DNAH1: variants seen among roughly 807,000 people sequenced by gnomAD.
DNAH1 encodes axonemal beta dynein heavy chain 1.
DNAH1 carries 327 observed loss-of-function variants against 484.3 expected under a neutral mutation model. The ratio of observed to expected loss-of-function variants is 0.68; its 90% CI spans 0.62 to 0.74. The LOEUF is 0.74. DNAH1 is among the 30% of genes least tolerant of loss of function. DNAH1 has a pLI of 0.00. For synonymous variants in DNAH1, 2,192 were observed against 2,191.9 expected (o/e 1.00, Z 0.00); for missense variants, 5,052 against 5,546.8 (o/e 0.91, Z 2.83).
intron 4 of DNAH1, 41 bp from the exon 5 acceptor site, chr3:52,326,694 G>A (rs1578074262): frequency 9.1e-6 from 14 of 1,545,460 alleles, no homozygotes; most frequent in Non-Finnish European, 1.1e-5. Flanking sequence ...CACCTCACAC[G>A]AGCCAAGCCA....
Position 52,355,031 on chromosome 3 carries a change from G to A in DNAH1, c.3669G>A (p.Trp1223Ter). 6.2e-7 allele frequency: 1 copy of A among 1,613,748 alleles called. No individual in the cohort carries two copies. Among genetic ancestry groups the A allele is most frequent in the South Asian group, 1.1e-5 (1 of 91,072 alleles). Residue 1223 changes from tryptophan to a stop codon, truncating the protein, a stop_gained, in exon 21 of 78, where the codon TGG becomes TGA. Transcript: ENST00000420323. LOFTEE classifies it high-confidence loss of function. This position sits in a 1 kb window ranked among gnomAD's most constrained non-coding sequence, Gnocchi z 4.5. The stretch of plus-strand genomic sequence containing the variant: ...CCTTTGAGCAGCGCATCAACTCCTG[G>A]GAGAACAAACTGAAGCTGACCCAGG... The part of the protein sequence containing the change: ...KKPFEQRINS[W>*]ENKLKLTQEV...
Position 52,384,925 on chromosome 3 carries a change from A to G in DNAH1, c.8462A>G (p.Lys2821Arg). 6.2e-7 allele frequency: 1 copy of G among 1,613,726 alleles called. No homozygotes were observed. The highest frequency in any genetic ancestry group is 8.5e-7 in the Non-Finnish European group (1 of 1,179,798). Residue 2821 changes from lysine (K) to arginine (R), a missense_variant, in exon 53 of 78, where the codon AAG becomes AGG. Physicochemically the swap from Lys to Arg is conservative, Grantham distance 26 (BLOSUM62 2). Around this residue, in one of 4 missense-constraint regions of DNAH1, gnomAD observed 2,929 missense variants for 3,409.4 expected, o/e 0.86. Transcript: ENST00000420323. ...LHIFSILIGQ[K>R]KLELKTAKNR... is the part of the protein sequence containing the mutation. ...ATTTTCTCCATCCTCATCGGGCAGA[A>G]GAAACTGGAGCTGAAAACTGCCAAG...
In DNAH1 at chr3:52,360,311, G is replaced by C. The variant is rs779248427; in HGVS notation, c.4572G>C (p.Arg1524Ser). Residue 1524 changes from arginine (R) to serine (S), a missense_variant and splice_region_variant, in exon 28 of 78, where the codon AGG (arginine) becomes AGC (serine). Arg to Ser is a moderately radical substitution (Grantham distance 110). Transcript: ENST00000420323. ...VNDFQWISQLRYYWTNNDLYI... is the reference protein window; with the variant it reads ...VNDFQWISQLSYYWTNNDLYI... ...GGCCCTCATCTCCCTGCACCGCCAG[G>C]TACTACTGGACAAATAATGACCTGT... is the stretch of plus-strand genomic sequence containing the variant. 3 of 1,612,958 alleles carry C rather than the reference G, an allele frequency of 1.9e-6. No homozygotes were observed. Among genetic ancestry groups the C allele is most frequent in the East Asian group, 4.5e-5 (2 of 44,884 alleles).
At position 52,397,829 on chromosome 3, in the gene DNAH1, C is replaced by G. The variant is rs1704704754; in HGVS notation, c.11910C>G (p.Ile3970Met). ...CGTTCGCCCTCCTGGGCACCATCAT[C>G]CAGCTGCAACCCAAATCATCTTCTG... ...NETFALLGTI[I>M]QLQPKSSSAG... Residue 3970 changes from isoleucine to methionine, a missense_variant, in exon 74 of 78, where the codon ATC (isoleucine) becomes ATG (methionine). Coordinates refer to ENST00000420323, the MANE Select transcript of DNAH1 (RefSeq NM_015512.5). 2 of 1,612,252 alleles carry G rather than the reference C, an allele frequency of 1.2e-6. No individual in the cohort carries two copies. Among genetic ancestry groups the G allele is most frequent in the African/African-American group, 1.3e-5 (1 of 75,004 alleles).
Position 52,359,369 on chromosome 3 carries a change from C to A in DNAH1, c.4390C>A (p.Pro1464Thr). The A allele has an allele frequency of 1.3e-6, 2 of 1,570,894 alleles. No homozygotes were observed. Among genetic ancestry groups the A allele is most frequent in the East Asian group, 2.4e-5 (1 of 42,488 alleles). The stretch of plus-strand genomic sequence containing the variant: ...CGGCAACCTCAGAAGCCAACTGTTC[C>A]CCCAGCTCTGCCAGCAGGTTGGAGT... Reference protein sequence around the residue: ...EAGNLRSQLFPQLCQQLSDLV... With the variant: ...EAGNLRSQLFTQLCQQLSDLV... The change falls in exon 26 of 78, where the codon CCC becomes ACC. Residue 1464 changes from proline to threonine, a missense_variant. Coordinates refer to ENST00000420323, the MANE Select transcript of DNAH1 (RefSeq NM_015512.5).
intron 8 of DNAH1, among the ~76,000 whole-genome samples, chr3:52,343,245 AG>A (rs1319325524): frequency 1.3e-5 from 2 of 152,010 alleles, no homozygotes; most frequent in African/African-American, 4.8e-5. Context: ...GAGGGAAGGA[AG>A]TCAAGGGGCG....
Position 52,364,444 on chromosome 3 carries a change from C to A in DNAH1, c.5245-194C>A, listed in dbSNP as rs1166728912. On this transcript the variant is annotated intron_variant, in intron 32 of 77. Coordinates refer to ENST00000420323, the MANE Select transcript of DNAH1 (RefSeq NM_015512.5). The surrounding 1 kb of genome is among the most constrained non-coding windows in gnomAD (Gnocchi z 4.2). ...AGGGGGCTATCGGGACAGTAAAGTGCAGGGTGCCCGGGGAGCCCAAAGAAG... is the reference window on the plus strand; with the variant it reads ...AGGGGGCTATCGGGACAGTAAAGTGAAGGGTGCCCGGGGAGCCCAAAGAAG... Among the ~76,000 whole-genome samples the A allele has an allele frequency of 6.6e-6, 1 of 152,200 alleles. No homozygotes were observed. The highest frequency in any genetic ancestry group is 1.9e-4 in the East Asian group (1 of 5,196).
intron 8 of DNAH1, among the ~76,000 whole-genome samples, chr3:52,341,578 C>T (rs1016159549): frequency 6.7e-6 from 1 of 149,708 alleles, no homozygotes; most frequent in Non-Finnish European, 1.5e-5. Context: ...GCTCTGTCCC[C>T]CAGGCTAGAG....
At chr3:52,310,935 G>A in the DNAH1 span, among the ~76,000 whole-genome samples, 1 of 152,222 alleles carries the variant, frequency 6.6e-6, no homozygotes, top group African/African-American at 2.4e-5. Flanking sequence ...GTGGGAACAG[G>A]GTGGGTGGTG....
chr3:52,363,920 G>A (rs1245207789), intron 32 of DNAH1, among the ~76,000 whole-genome samples: 1 of 152,100 alleles, frequency 6.6e-6, no homozygotes, highest in Admixed American at 6.6e-5. Context: ...TGCACTCCTG[G>A]GTGCCGGCGC....
rs776409837 is a variant in DNAH1 at position 52,352,667 on chromosome 3, A to C, written c.2987A>C (p.Tyr996Ser). 1 of 1,612,680 alleles carries C rather than the reference A, an allele frequency of 6.2e-7. No individual in the cohort carries two copies. The highest frequency in any genetic ancestry group is 8.5e-7 in the Non-Finnish European group (1 of 1,179,616). ...GACTGCCAGCAGCTGGCCATGCTCTACAACAACCGCGAGCGCATCTTCAGC... is the reference window on the plus strand; with the variant it reads ...GACTGCCAGCAGCTGGCCATGCTCTCCAACAACCGCGAGCGCATCTTCAGC... ...LKDCQQLAML[Y>S]NNRERIFSLP... is the part of the protein sequence containing the mutation. The change falls in exon 18 of 78, where the codon TAC becomes TCC. Residue 996 changes from tyrosine to serine, a missense_variant. By Grantham distance (144) the Tyr-to-Ser change is moderately radical. Around this residue, in one of 4 missense-constraint regions of DNAH1, gnomAD observed 2,929 missense variants for 3,409.4 expected, o/e 0.86. Coordinates refer to ENST00000420323, the MANE Select transcript of DNAH1 (RefSeq NM_015512.5).
At chr3:52,380,686 G>C (rs1042572175) in intron 48 of DNAH1, among the ~76,000 whole-genome samples, 1 of 152,160 alleles carries the variant, frequency 6.6e-6, no homozygotes, top group Non-Finnish European at 1.5e-5. Flanking sequence ...AAGGCCCAGC[G>C]TCCCCACCAT....
chr3:52,334,888 G>A (rs1367722892), intron 8 of DNAH1, among the ~76,000 whole-genome samples: 1 of 148,822 alleles, frequency 6.7e-6, no homozygotes, highest in African/African-American at 2.5e-5. Context: ...TCGCTCTGTC[G>A]CCCACGCTGG....
In DNAH1 at chr3:52,386,270, C is replaced by T; in HGVS notation, c.8736C>T (p.Asp2912=). The T allele has an allele frequency of 1.2e-6, 2 of 1,611,374 alleles. No individual in the cohort carries two copies. The highest frequency in any genetic ancestry group is 8.5e-7 in the Non-Finnish European group (1 of 1,178,776). The part of the protein sequence containing the change: ...AQAIADDAQK[D]LDEALPALDA... ...CTATTGCTGACGATGCCCAGAAGGA[C>T]CTGGACGAGGCGTTGCCAGCCCTGG... is the stretch of plus-strand genomic sequence containing the variant. The change falls in exon 55 of 78, where the codon GAC becomes GAT. Residue 2912 remains aspartate, a synonymous_variant. Transcript: ENST00000420323.
Position 52,396,958 on chromosome 3 carries a change from T to C in DNAH1, c.11701T>C (p.Phe3901Leu). Residue 3901 changes from phenylalanine to leucine, a missense_variant, in exon 73 of 78, where the codon TTC (phenylalanine) becomes CTC (leucine). By Grantham distance (22) the Phe-to-Leu change is conservative (BLOSUM62 0). Around this residue, in one of 4 missense-constraint regions of DNAH1, gnomAD observed 853 missense variants for 899.0 expected, o/e 0.95. Coordinates refer to ENST00000420323, the MANE Select transcript of DNAH1 (RefSeq NM_015512.5). The part of the protein sequence containing the change: ...RRCIMNILED[F>L]YNPDVLSPEH... ...CTGCATCATGAACATCTTGGAGGAC[T>C]TCTACAACCCTGACGTGCTCTCCCC... The C allele has an allele frequency of 6.2e-7, 1 of 1,613,264 alleles. No individual in the cohort carries two copies.
upstream of DNAH1, among the ~76,000 whole-genome samples, chr3:52,314,343 T>A (rs1034406113): frequency 6.6e-6 from 1 of 151,976 alleles, no homozygotes; most frequent in African/African-American, 2.4e-5. Context: ...CCAACAGGCA[T>A]CCCCCCCTTG....
rs1276198081 is a variant in DNAH1 at position 52,379,387 on chromosome 3, G to C, written c.7378-518G>C. 1.3e-5 allele frequency among the ~76,000 whole-genome samples: 2 copies of C among 152,166 alleles called. No individual in the cohort carries two copies. The highest frequency in any genetic ancestry group is 2.9e-5 in the Non-Finnish European group (2 of 68,032). On this transcript the variant is annotated intron_variant, in intron 47 of 77. Coordinates refer to ENST00000420323, the MANE Select transcript of DNAH1 (RefSeq NM_015512.5). This position sits in a 1 kb window ranked among gnomAD's most constrained non-coding sequence, Gnocchi z 4.4. ...CCAACAAAGTCTACAGAAAAGGCTG[G>C]GAGCTTCCGGAGGGCAGTCCTGCCA...
intron 54 of DNAH1, among the ~76,000 whole-genome samples, chr3:52,385,828 G>A (rs1362708625): frequency 6.6e-6 from 1 of 152,240 alleles, no homozygotes; most frequent in East Asian, 1.9e-4. Flanking sequence ...GGCAAAGTCA[G>A]TGCATTGCAA....
chr3:52,323,752 T>A, intron 2 of DNAH1, 56 bp from the exon 3 acceptor site: 1 of 1,462,170 alleles, frequency 6.8e-7, no homozygotes, highest in South Asian at 1.2e-5. Flanking sequence ...CCCTCCCGGG[T>A]CCTGCCTGTC....
Sources: allele counts gnomAD v4.1 joint callset (sites outside exome capture counted in the v4.1 genomes callset), GRCh38; gene constraint gnomAD v4.1.1; regional missense constraint gnomAD v4.1.1; non-coding constraint Gnocchi (gnomAD v3.1); transcripts MANE v1.5; gene names NCBI Gene and HGNC (gene_info 2026-07-23, HGNC 2026-07-21).